CPED1: variants seen among roughly 807,000 people sequenced by gnomAD.
CPED1 encodes cadherin-like and PC-esterase domain-containing protein 1.
A neutral mutation model predicts 128.2 loss-of-function variants in CPED1; 114 were observed. That is an observed-to-expected ratio of 0.89 (90% confidence interval 0.76 to 1.04). The LOEUF is 1.04. CPED1 is among the 50% of genes least tolerant of loss of function. CPED1 has a pLI of 0.00. For missense variants in CPED1, 1,211 were observed against 1,207.1 expected, an observed-to-expected ratio of 1.00 and a Z score of -0.05; for synonymous variants, 462 against 426.7, an observed-to-expected ratio of 1.08 and a Z score of -1.02.
In CPED1 at chr7:121,136,090, G is replaced by T. The variant is rs766516373; in HGVS notation, c.1699G>T (p.Asp567Tyr). The part of the protein sequence containing the change: ...NENKEIHCSD[D>Y]ENTPCHIKQI... ...AAATAAAGAAATACATTGCAGTGAT[G>T]GTGAGTTGAGATTAAAGTGTTGTAG... The change falls in exon 14 of 23, where the codon GAT becomes TAT. Residue 567 changes from aspartate to tyrosine, a missense_variant and splice_region_variant. Coordinates refer to ENST00000310396, the MANE Select transcript of CPED1 (RefSeq NM_024913.5). 6.5e-7 allele frequency: 1 copy of T among 1,546,842 alleles called. No individual in the cohort carries two copies. The highest frequency in any genetic ancestry group is 8.7e-7 in the Non-Finnish European group (1 of 1,155,790).
intron 3 of CPED1, among the ~76,000 whole-genome samples, chr7:121,022,578 T>G (rs1269522494): frequency 6.6e-6 from 1 of 151,806 alleles, no homozygotes; most frequent in Non-Finnish European, 1.5e-5. Flanking sequence ...CAGCAGAAAC[T>G]CAAGCAAGCA....
At position 121,107,356 on chromosome 7, in the gene CPED1, CAGG is replaced by C. The variant is rs1251973336; in HGVS notation, c.918+7265_918+7267del. 2.6e-5 allele frequency among the ~76,000 whole-genome samples: 4 copies of C among 152,156 alleles called. No homozygotes were observed. The East Asian group carries it at 7.7e-4, about 29-fold the overall frequency. On this transcript the variant is annotated intron_variant, in intron 7 of 22. Transcript: ENST00000310396. The stretch of plus-strand genomic sequence containing the variant: ...GAAAAAATCACATGAAGTCAGCAAA[CAGG>C]AGAACAAAAACCAAGAGGAAAAATC...
chr7:121,224,317 TGAGA>T (rs1797952324), intron 16 of CPED1, among the ~76,000 whole-genome samples: 1 of 152,220 alleles, frequency 6.6e-6, no homozygotes, highest in Admixed American at 6.6e-5. Context: ...CACTGTGGTC[TGAGA>T]GAGAGTTTGT....
intron 16 of CPED1, among the ~76,000 whole-genome samples, chr7:121,181,839 G>A (rs1796903496): frequency 6.6e-6 from 1 of 152,012 alleles, no homozygotes; most frequent in Non-Finnish European, 1.5e-5. Context: ...TGGCAAGGCT[G>A]GCATATTATT....
At chr7:121,175,415 G>T (rs897781371) in intron 16 of CPED1, among the ~76,000 whole-genome samples, 1 of 151,986 alleles carries the variant, frequency 6.6e-6, no homozygotes, top group African/African-American at 2.4e-5. Flanking sequence ...TTCCCTTCAT[G>T]TTATAAACTG....
chr7:121,257,497 A>G (rs1791912741), intron 18 of CPED1, among the ~76,000 whole-genome samples: 1 of 147,594 alleles, frequency 6.8e-6, no homozygotes, highest in Non-Finnish European at 1.5e-5. Flanking sequence ...CAGAGGGGAG[A>G]GCCTGAGAAA....
intron 7 of CPED1, among the ~76,000 whole-genome samples, chr7:121,120,555 T>G (rs1039868126): frequency 1.1e-4 from 16 of 152,184 alleles, no homozygotes; most frequent in African/African-American, 3.6e-4. Flanking sequence ...TATACTTTAG[T>G]ACGGTACAGT....
intron 4 of CPED1, among the ~76,000 whole-genome samples, chr7:121,059,353 G>C (rs1390081137): frequency 5.9e-5 from 9 of 152,096 alleles, no homozygotes; most frequent in African/African-American, 2.2e-4. Flanking sequence ...TTTTTCTTTT[G>C]ATCAGCTGGT....
chr7:121,071,310 C>T (rs957517110), intron 5 of CPED1, among the ~76,000 whole-genome samples: 3 of 152,068 alleles, frequency 2.0e-5, no homozygotes, highest in African/African-American at 7.2e-5. Context: ...CCTTCTTCTC[C>T]CACTTCCTCA....
intron 22 of CPED1, among the ~76,000 whole-genome samples, chr7:121,293,317 T>C (rs1792750945): frequency 6.6e-6 from 1 of 152,176 alleles, no homozygotes; most frequent in Non-Finnish European, 1.5e-5. Flanking sequence ...AGGGGAAAAC[T>C]GCCTACTCAA....
At chr7:120,992,308 T>A (rs2116727922) in intron 2 of CPED1, among the ~76,000 whole-genome samples, 1 of 152,296 alleles carries the variant, frequency 6.6e-6, no homozygotes, top group East Asian at 1.9e-4. Flanking sequence ...CTTAGTCAAA[T>A]CTTTGCTTTA....
chr7:121,134,417 C>G lies in CPED1; in HGVS notation c.1648+524C>G, dbSNP rs571367741. Among the ~76,000 whole-genome samples the G allele has an allele frequency of 2.6e-5, 4 of 152,050 alleles. No homozygotes were observed. The South Asian group carries it at 6.2e-4, about 24-fold the overall frequency. ...AGAGAGGGTTTACCAGTTTTATGCT[C>G]TCATAGAGAGTAGAATAGTAGTTAT... On this transcript the variant is annotated intron_variant, in intron 13 of 22. Transcript: ENST00000310396.
intron 16 of CPED1, among the ~76,000 whole-genome samples, chr7:121,143,494 T>C (rs191521812): frequency 3.4e-4 from 52 of 152,108 alleles, no homozygotes; most frequent in African/African-American, 1.2e-3. Context: ...AATATGTTCC[T>C]CTTAGGTTTT....
intron 16 of CPED1, among the ~76,000 whole-genome samples, chr7:121,145,120 A>G (rs1451495281): frequency 6.6e-6 from 1 of 151,114 alleles, no homozygotes; most frequent in Non-Finnish European, 1.5e-5. Context: ...CAATATATCA[A>G]CTATACATGT....
intron 3 of CPED1, among the ~76,000 whole-genome samples, chr7:121,034,982 T>C (rs1792848560): frequency 6.6e-6 from 1 of 152,146 alleles, no homozygotes; most frequent in South Asian, 2.1e-4. Flanking sequence ...GTGTCACAAG[T>C]AGAACACTTG....
rs920010749 is a variant in CPED1, at chr7:121,078,427, C to T, written c.616+14114C>T. Among the ~76,000 whole-genome samples the T allele has an allele frequency of 5.0e-5, 7 of 139,754 alleles. No individual in the cohort carries two copies. The Admixed American group carries it at 5.4e-4, about 11-fold the overall frequency. 91.7% of individuals were successfully genotyped at this position (139,754 alleles called of 152,430 possible). The stretch of plus-strand genomic sequence containing the variant: ...GAAGTAAACGACTTTTCTAGGAGGA[C>T]TGCTTGTGGCCAGGAGTTTGAGACC... On this transcript the variant is annotated intron_variant, in intron 5 of 22. Transcript: ENST00000310396.
At chr7:121,158,351 A>G (rs776742936) in intron 16 of CPED1, among the ~76,000 whole-genome samples, 9 of 152,182 alleles carry the variant, frequency 5.9e-5, no homozygotes, top group African/African-American at 9.7e-5. Context: ...TGCTAAGTCC[A>G]TCTGTGATCA....
At chr7:121,110,475 GT>G (rs1795083084) in intron 7 of CPED1, among the ~76,000 whole-genome samples, 1 of 152,236 alleles carries the variant, frequency 6.6e-6, no homozygotes, top group East Asian at 1.9e-4. Context: ...CCCTGAATAG[GT>G]GATATCTGAG....
chr7:121,266,843 C>G (rs781695275), intron 20 of CPED1, 35 bp downstream of exon 20: 2 of 1,493,586 alleles, frequency 1.3e-6, no homozygotes, highest in African/African-American at 2.8e-5. Context: ...CATTAGTATT[C>G]TAAGTCAAAA....
Sources: gnomAD v4.1 joint callset for allele counts (sites outside exome capture counted in the v4.1 genomes callset) on GRCh38, gnomAD v4.1.1 for gene constraint, MANE v1.5 for transcripts, NCBI Gene and HGNC (gene_info 2026-07-23, HGNC 2026-07-21) for gene names.